OR1L8: variants seen among roughly 807,000 people sequenced by gnomAD.
OR1L8 encodes olfactory receptor 1L8.
For synonymous variants in OR1L8, 148 were observed against 147.0 expected (o/e 1.01, Z -0.05); for missense variants, 330 against 377.4 (o/e 0.87, Z 1.04).
At chr9:122,582,728 ATTTT>A (rs1200584914) in intron 1 of OR1L8, among the ~76,000 whole-genome samples, 2 of 152,052 alleles carry the variant, frequency 1.3e-5, no homozygotes, top group Non-Finnish European at 2.9e-5. Flanking sequence ...AAAAAAAGTT[ATTTT>A]TTTAAGTTAA....
the OR1L8 span, among the ~76,000 whole-genome samples, chr9:122,557,360 T>A: frequency 6.6e-6 from 1 of 152,150 alleles, no homozygotes. Context: ...CTGTAGTTTT[T>A]AAAATAGATA....
chr9:122,564,340 T>C (rs979851778), downstream of OR1L8, among the ~76,000 whole-genome samples: 2 of 152,198 alleles, frequency 1.3e-5, no homozygotes, highest in African/African-American at 4.8e-5. Flanking sequence ...CTAATATGCA[T>C]AATTAGAATA....
chr9:122,550,962 C>A, the OR1L8 span, among the ~76,000 whole-genome samples: 1 of 151,618 alleles, frequency 6.6e-6, no homozygotes, highest in African/African-American at 2.4e-5. Context: ...AAAAGGAAGT[C>A]AAAGTATCTT....
intron 3 of OR1L8, among the ~76,000 whole-genome samples, chr9:122,573,485 C>T (rs927363063): frequency 1.8e-4 from 28 of 152,134 alleles, no homozygotes; most frequent in Admixed American, 1.4e-3. Flanking sequence ...ATTTGAATTT[C>T]CCAGATGACA....
the OR1L8 span, among the ~76,000 whole-genome samples, chr9:122,548,589 T>TTATATATATATATATATATATATATATA: frequency 9.9e-5 from 15 of 151,274 alleles, no homozygotes; most frequent in Non-Finnish European, 2.1e-4. Flanking sequence ...TTTAAAATTT[T>TTATATATATATATATATATATATATATA]TATATATATA....
the OR1L8 span, among the ~76,000 whole-genome samples, chr9:122,558,179 T>G: frequency 1.1e-5 from 1 of 94,064 alleles, no homozygotes; most frequent in East Asian, 1.1e-3. Context: ...TTGTTGATTT[T>G]CTTTAATAAT....
chr9:122,555,015 T>G, the OR1L8 span, among the ~76,000 whole-genome samples: 1 of 152,192 alleles, frequency 6.6e-6, no homozygotes, highest in African/African-American at 2.4e-5. Context: ...GTCACAAAGC[T>G]TAACAATGGT....
At chr9:122,551,051 TGAGTAAA>T in the OR1L8 span, among the ~76,000 whole-genome samples, 3 of 151,900 alleles carry the variant, frequency 2.0e-5, no homozygotes, top group African/African-American at 7.3e-5. Flanking sequence ...ATAAATGAAT[TGAGTAAA>T]GTTTCATGAT....
In OR1L8 at chr9:122,568,175, C is replaced by G; in HGVS notation, c.303G>C (p.Gln101His). 6.2e-7 allele frequency: 1 copy of G among 1,614,080 alleles called. No homozygotes were observed. Among genetic ancestry groups the G allele is most frequent in the Non-Finnish European group, 8.5e-7 (1 of 1,179,918 alleles). Reference sequence around the variant, plus strand: ...TGCCCAAGGCATAGAGAAAATACATCTGTGTCAGACACCCAGCATAGGAGA... The same window carrying G: ...TGCCCAAGGCATAGAGAAAATACATGTGTGTCAGACACCCAGCATAGGAGA... The part of the protein sequence containing the change: ...KTISYAGCLT[Q>H]MYFLYALGNS... The change falls in exon 5 of 5, where the codon CAG becomes CAC. Residue 101 changes from glutamine to histidine, a missense_variant. By Grantham distance (24) the Gln-to-His change is conservative. Transcript: ENST00000641027.
chr9:122,553,104 T>A, the OR1L8 span: 3 of 1,172,110 alleles, frequency 2.6e-6, no homozygotes, highest in East Asian at 7.1e-5. Flanking sequence ...TTTCTTTTTC[T>A]CCCAGCACAG....
At chr9:122,569,666 TTTTA>T (rs1829504179) in intron 4 of OR1L8, among the ~76,000 whole-genome samples, 1 of 13,070 alleles carries the variant, frequency 7.7e-5, no homozygotes, top group Non-Finnish European at 2.2e-4. Context: ...CTTCATTTTA[TTTTA>T]TTTTATTTTA....
rs369733453 is a variant in OR1L8, at chr9:122,568,502, G to C, written c.-25C>G. The C allele has an allele frequency of 2.4e-5, 34 of 1,403,460 alleles. No homozygotes were observed. In the African/African-American group the frequency reaches 4.9e-4, roughly 20 times the overall value. 86.9% of individuals were successfully genotyped at this position (1,403,460 alleles called of 1,614,324 possible). A position where few individuals can be genotyped will look rare whatever the true frequency, so the allele number is the denominator to read the frequency against. ...TTGACTTGGGCTCAGTTATAAACAA[G>C]AAGTTTTGTCATTTAACATGCTCTG... On this transcript the variant is annotated 5_prime_UTR_variant, in exon 5 of 5. Coordinates refer to ENST00000641027, the MANE Select transcript of OR1L8 (RefSeq NM_001004454.2).
chr9:122,556,864 G>C, the OR1L8 span, among the ~76,000 whole-genome samples: 6 of 152,060 alleles, frequency 3.9e-5, no homozygotes, highest in Non-Finnish European at 8.8e-5. Context: ...TGATAACATT[G>C]AGTTTTCCTA....
At chr9:122,553,736 A>G in the OR1L8 span, 1 of 1,613,974 alleles carries the variant, frequency 6.2e-7, no homozygotes. Context: ...GTGCCCAGAA[A>G]GCCATCCCTC....
the OR1L8 span, chr9:122,553,774 T>C: frequency 1.2e-6 from 2 of 1,614,100 alleles, no homozygotes; most frequent in Non-Finnish European, 1.7e-6. Context: ...AGTGCTCTCC[T>C]GAAGCTTGCC....
chr9:122,573,479 G>C (rs571651873), intron 3 of OR1L8, among the ~76,000 whole-genome samples: 1 of 152,266 alleles, frequency 6.6e-6, no homozygotes, highest in South Asian at 2.1e-4. Context: ...GTTTTAATTT[G>C]AATTTCCCAG....
At chr9:122,581,314 C>T (rs1475017021) in intron 1 of OR1L8, among the ~76,000 whole-genome samples, 6 of 151,944 alleles carry the variant, frequency 3.9e-5, no homozygotes, top group Admixed American at 1.3e-4. Context: ...TGTAGTGAGC[C>T]GAGATGGCGC....
chr9:122,566,103 G>A (rs1588213099), downstream of OR1L8, among the ~76,000 whole-genome samples: 4 of 152,324 alleles, frequency 2.6e-5, no homozygotes, highest in South Asian at 8.3e-4. Flanking sequence ...TAATATAGAT[G>A]TATCTTTAAA....
At chr9:122,571,046 G>A (rs7861129) in intron 4 of OR1L8, among the ~76,000 whole-genome samples, 52,846 of 151,960 alleles carry the variant, frequency 0.35, 10,449 homozygotes, top group East Asian at 0.8. Flanking sequence ...TCTTACAATC[G>A]TGCATTGGTG....
Sources: gnomAD v4.1 joint callset for allele counts (sites outside exome capture counted in the v4.1 genomes callset) on GRCh38, gnomAD v4.1.1 for gene constraint, MANE v1.5 for transcripts, NCBI Gene and HGNC (gene_info 2026-07-23, HGNC 2026-07-21) for gene names.